Variants in SDK1 observed in about 807,000 individuals in gnomAD.
SDK1 encodes the protein sidekick cell adhesion molecule 1.
SDK1 carries 157 observed loss-of-function variants against 245.5 expected under a neutral mutation model. That is an observed-to-expected ratio of 0.64 (90% CI 0.56 to 0.73). SDK1 has a LOEUF of 0.73. Among genes scored for constraint, SDK1 ranks in the 30% least tolerant of loss-of-function variants. The pLI is 0.00. For synonymous variants in SDK1, 1,647 were observed against 1,278.5 expected (o/e 1.29, Z -6.15); for missense variants, 3,583 against 3,002.3 (o/e 1.19, Z -4.52).
chr7:4,132,462 C>T, intron 28 of SDK1, 39 bp downstream of exon 28: 1 of 1,465,098 alleles, frequency 6.8e-7, no homozygotes, highest in Non-Finnish European at 9.4e-7. Flanking sequence ...TGGCTCAGGC[C>T]TGTCATCCCA....
chr7:3,882,165 T>C (rs1781223974), intron 5 of SDK1, among the ~76,000 whole-genome samples: 1 of 151,530 alleles, frequency 6.6e-6, no homozygotes, highest in Non-Finnish European at 1.5e-5. Context: ...GAGAACAGTA[T>C]GGGGGAAACT....
At chr7:3,548,350 C>G (rs566755277) in intron 1 of SDK1, among the ~76,000 whole-genome samples, 1 of 152,242 alleles carries the variant, frequency 6.6e-6, no homozygotes, top group African/African-American at 2.4e-5. Flanking sequence ...TCTAAATGTT[C>G]TAAAAATACA....
At chr7:4,140,147 C>T (rs1042256705) in intron 28 of SDK1, among the ~76,000 whole-genome samples, 2 of 152,186 alleles carry the variant, frequency 1.3e-5, no homozygotes, top group African/African-American at 4.8e-5. Context: ...GGCGCTGCTC[C>T]TGCAGGCCTT....
intron 1 of SDK1, among the ~76,000 whole-genome samples, chr7:3,369,608 G>GCTTC (rs1781174069): frequency 6.6e-6 from 1 of 152,182 alleles, no homozygotes; most frequent in African/African-American, 2.4e-5. Context: ...TCCTATTGAA[G>GCTTC]AATAGGATGT....
intron 2 of SDK1, among the ~76,000 whole-genome samples, chr7:3,624,073 G>A (rs1027768309): frequency 1.3e-5 from 2 of 152,140 alleles, no homozygotes; most frequent in African/African-American, 2.4e-5. Flanking sequence ...TGGAAAGTGC[G>A]TAATGAGATA....
At chr7:4,112,169 G>C (rs767955573) in intron 23 of SDK1, among the ~76,000 whole-genome samples, 10 of 152,152 alleles carry the variant, frequency 6.6e-5, no homozygotes, top group African/African-American at 1.2e-4. Context: ...ATATATGCAA[G>C]GTGAACATTG....
intron 5 of SDK1, among the ~76,000 whole-genome samples, chr7:3,894,586 G>A (rs1322065232): frequency 6.6e-6 from 1 of 152,098 alleles, no homozygotes. Context: ...GTCTCGCCCA[G>A]TGCATATTCC....
chr7:3,458,813 G>A (rs765863744), intron 1 of SDK1, among the ~76,000 whole-genome samples: 10 of 152,150 alleles, frequency 6.6e-5, no homozygotes, highest in African/African-American at 2.2e-4. Context: ...TACAGATTAC[G>A]TTTCATTGGT....
At chr7:3,867,337 T>C (rs896612753) in intron 5 of SDK1, among the ~76,000 whole-genome samples, 2 of 152,186 alleles carry the variant, frequency 1.3e-5, no homozygotes, top group Non-Finnish European at 2.9e-5. Flanking sequence ...ATTATTTTGG[T>C]GTGAAGGTAT....
At chr7:3,314,842 C>T (rs983547199) in intron 1 of SDK1, among the ~76,000 whole-genome samples, 1 of 152,038 alleles carries the variant, frequency 6.6e-6, no homozygotes, top group East Asian at 1.9e-4. Context: ...TCAAAAATTG[C>T]TCTTTCTTGG....
At chr7:3,353,927 C>A (rs191552261) in intron 1 of SDK1, among the ~76,000 whole-genome samples, 204 of 152,092 alleles carry the variant, frequency 1.3e-3, no homozygotes, top group Admixed American at 6.0e-3. Context: ...ACGTAACTGA[C>A]TTGCTCAGGG....
At chr7:4,170,781 G>A (rs1781792202) in intron 32 of SDK1, among the ~76,000 whole-genome samples, 1 of 152,144 alleles carries the variant, frequency 6.6e-6, no homozygotes, top group Non-Finnish European at 1.5e-5. Context: ...TGTCTGACAT[G>A]CCCAGCCCTA....
At chr7:3,413,273 T>G (rs1779263407) in intron 1 of SDK1, among the ~76,000 whole-genome samples, 2 of 152,110 alleles carry the variant, frequency 1.3e-5, no homozygotes, top group Non-Finnish European at 2.9e-5. Context: ...GGGACTATCA[T>G]GAGCAGAGGG....
At chr7:3,891,628 T>A (rs1302459649) in intron 5 of SDK1, among the ~76,000 whole-genome samples, 1 of 152,190 alleles carries the variant, frequency 6.6e-6, no homozygotes, top group African/African-American at 2.4e-5. Context: ...CCAAGTACAC[T>A]GAGCACATCA....
intron 4 of SDK1, among the ~76,000 whole-genome samples, chr7:3,730,926 A>G (rs531457097): frequency 2.6e-5 from 4 of 152,260 alleles, no homozygotes; most frequent in African/African-American, 9.6e-5. Context: ...CATCAGGCCT[A>G]AGGTCCCAGA....
intron 1 of SDK1, among the ~76,000 whole-genome samples, chr7:3,436,998 T>A (rs1338117058): frequency 1.3e-5 from 2 of 152,086 alleles, no homozygotes; most frequent in Non-Finnish European, 2.9e-5. Flanking sequence ...ATTTCCTGGG[T>A]TATATATGTA....
At chr7:3,490,263 A>G (rs1484688821) in intron 1 of SDK1, among the ~76,000 whole-genome samples, 2 of 152,216 alleles carry the variant, frequency 1.3e-5, no homozygotes, top group East Asian at 3.8e-4. Flanking sequence ...AAATAGGCAT[A>G]TTTTAAGTTA....
At chr7:3,928,637 G>A (rs917206665) in intron 5 of SDK1, among the ~76,000 whole-genome samples, 16 of 151,908 alleles carry the variant, frequency 1.1e-4, no homozygotes, top group Non-Finnish European at 2.1e-4. Context: ...TTTTGGGGGG[G>A]GTGGGTGGAA....
intron 1 of SDK1, among the ~76,000 whole-genome samples, chr7:3,428,980 G>C (rs1005616243): frequency 1.3e-5 from 2 of 152,214 alleles, no homozygotes; most frequent in Non-Finnish European, 2.9e-5. Context: ...AAGCTTCAGG[G>C]ATTCAGAAAT....
Sources: gnomAD v4.1 joint callset for allele counts (sites outside exome capture counted in the v4.1 genomes callset) on GRCh38, gnomAD v4.1.1 for gene constraint, MANE v1.5 for transcripts, NCBI Gene and HGNC (gene_info 2026-07-23, HGNC 2026-07-21) for gene names.